Variants in ANK2 observed in about 807,000 individuals in gnomAD.
The protein encoded by ANK2 is ankyrin-2.
In ANK2, 83 loss-of-function variants were observed where a neutral mutation model predicts 360.5. The ratio of observed to expected loss-of-function variants is 0.23; its 90% CI spans 0.19 to 0.28. The LOEUF (loss-of-function observed/expected upper bound fraction) is 0.28. Ranked by LOEUF, ANK2 falls within the 10% of genes least tolerant of loss-of-function variation. The pLI is 1.00. For missense variants in ANK2, 4,201 were observed against 4,795.7 expected (o/e 0.88, Z 3.66); for synonymous variants, 1,740 against 1,759.5 (o/e 0.99, Z 0.28).
chr4:112,936,511 A>G (rs889858592), intron 2 of ANK2, among the ~76,000 whole-genome samples: 2 of 151,928 alleles, frequency 1.3e-5, no homozygotes, highest in African/African-American at 4.8e-5. Context: ...ACACCTGGCT[A>G]ATTTTTGTAT....
chr4:113,088,712 G>A (rs564510964), intron 1 of ANK2, among the ~76,000 whole-genome samples: 12 of 152,182 alleles, frequency 7.9e-5, no homozygotes, highest in African/African-American at 2.6e-4. Context: ...TCTGTAGATG[G>A]GCCTTTATAT....
At position 113,209,590 on chromosome 4, in the gene ANK2, G is replaced by A. The variant is rs571064906; in HGVS notation, c.384+10481G>A. Among the ~76,000 whole-genome samples the A allele has an allele frequency of 3.5e-4, 53 of 152,122 alleles. No individual in the cohort carries two copies. The Middle Eastern group carries it at 0.01, about 29-fold the overall frequency. Reference sequence around the variant, plus strand: ...AGAAAGGAAGGTGTTTATTGGCAGGGTGCCTAACAAGGAGGATCAGGCAGC... The same window carrying A: ...AGAAAGGAAGGTGTTTATTGGCAGGATGCCTAACAAGGAGGATCAGGCAGC... On this transcript the variant is annotated intron_variant, in intron 4 of 45. Coordinates refer to ENST00000357077, the MANE Select transcript of ANK2 (RefSeq NM_001148.6).
At chr4:112,816,266 G>A (rs1172415899), upstream of ANK2, among the ~76,000 whole-genome samples, 2 of 152,220 alleles carry the variant, frequency 1.3e-5, no homozygotes, top group Non-Finnish European at 2.9e-5. Flanking sequence ...AGTAGAAACA[G>A]TAGTAGACTT....
intron 1 of ANK2, among the ~76,000 whole-genome samples, chr4:112,832,735 T>C (rs376726999): frequency 6.6e-6 from 1 of 152,242 alleles, no homozygotes; most frequent in East Asian, 1.9e-4. Flanking sequence ...TCTTCTACTG[T>C]TATGCACTAT....
At chr4:113,058,569 A>G (rs1174827939) in intron 1 of ANK2, among the ~76,000 whole-genome samples, 1 of 152,110 alleles carries the variant, frequency 6.6e-6, no homozygotes, top group South Asian at 2.1e-4. Flanking sequence ...TTTTTGTATA[A>G]TGCTTATCCC....
intron 2 of ANK2, among the ~76,000 whole-genome samples, chr4:112,964,759 C>T (rs747397235): frequency 9.2e-5 from 14 of 151,814 alleles, no homozygotes; most frequent in Non-Finnish European, 1.3e-4. Context: ...TTAGTAGAGA[C>T]GGGGTTTCAC....
intron 1 of ANK2, among the ~76,000 whole-genome samples, chr4:112,832,034 GA>G (rs2059886388): frequency 6.6e-6 from 1 of 152,142 alleles, no homozygotes; most frequent in Non-Finnish European, 1.5e-5. Flanking sequence ...CTTCATTCTT[GA>G]AGTCAGCGAG....
intron 2 of ANK2, among the ~76,000 whole-genome samples, chr4:113,015,694 T>C (rs1356434626): frequency 6.6e-6 from 1 of 152,224 alleles, no homozygotes; most frequent in Non-Finnish European, 1.5e-5. Flanking sequence ...TTTCACAAGG[T>C]AATTTAAAAG....
At chr4:113,179,647 A>G (rs1294131844) in intron 2 of ANK2, among the ~76,000 whole-genome samples, 2 of 152,208 alleles carry the variant, frequency 1.3e-5, no homozygotes, top group Non-Finnish European at 2.9e-5. Flanking sequence ...GTACATTTAG[A>G]AGAGAAAATA....
chr4:113,373,209 A>G (rs2096803035), intron 44 of ANK2, 36 bp downstream of exon 44: 1 of 1,611,432 alleles, frequency 6.2e-7, no homozygotes, highest in Non-Finnish European at 8.5e-7. Context: ...GTTGATTACA[A>G]ACTTCCTGTT....
intron 1 of ANK2, among the ~76,000 whole-genome samples, chr4:113,104,908 C>T (rs1289455294): frequency 6.6e-6 from 1 of 151,834 alleles, no homozygotes; most frequent in African/African-American, 2.4e-5. Flanking sequence ...GGGAGCCCTC[C>T]TGGAAGTATC....
At chr4:113,321,229 T>G (rs904223047) in intron 26 of ANK2, among the ~76,000 whole-genome samples, 1 of 152,228 alleles carries the variant, frequency 6.6e-6, no homozygotes, top group Non-Finnish European at 1.5e-5. Context: ...TTTAAATAAT[T>G]AGCACTTTGC....
Position 112,906,361 on chromosome 4 carries a change from G to A in ANK2, c.21+1847G>A, listed in dbSNP as rs192726212. Reference sequence around the variant, plus strand: ...AGTTTGAGAAGTAAATAAGAGATAAGGGGATAGAGTTAGCAAAAAAGATAG... The same window carrying A: ...AGTTTGAGAAGTAAATAAGAGATAAAGGGATAGAGTTAGCAAAAAAGATAG... On this transcript the variant is annotated intron_variant, in intron 2 of 30. Coordinates refer to the ANK2 transcript ENST00000503271. Among the ~76,000 whole-genome samples, 167 of 152,284 alleles carry A rather than the reference G, an allele frequency of 1.1e-3. 1 individual carries two copies. Among genetic ancestry groups the A allele is most frequent in the African/African-American group, 3.7e-3 (155 of 41,570 alleles).
chr4:113,072,220 T>C (rs755014592), intron 1 of ANK2, among the ~76,000 whole-genome samples: 1 of 152,206 alleles, frequency 6.6e-6, no homozygotes, highest in Non-Finnish European at 1.5e-5. Context: ...ATGATGGAGC[T>C]CTGGCTTCAT....
chr4:113,194,551 G>A (rs1191133281), intron 2 of ANK2, among the ~76,000 whole-genome samples: 26 of 152,140 alleles, frequency 1.7e-4, no homozygotes, highest in Admixed American at 1.7e-3. Context: ...GAACAAAAAA[G>A]ATAACTTTGT....
chr4:113,194,764 A>T (rs1216714155), intron 2 of ANK2, among the ~76,000 whole-genome samples: 1 of 152,188 alleles, frequency 6.6e-6, no homozygotes, highest in Non-Finnish European at 1.5e-5. Context: ...AGAGCTCAAT[A>T]AATATTTGCT....
At chr4:112,732,770 C>A in the ANK2 span, among the ~76,000 whole-genome samples, 2 of 152,146 alleles carry the variant, frequency 1.3e-5, no homozygotes, top group Non-Finnish European at 2.9e-5. Context: ...GAGCATGAAT[C>A]TATGCTTCTA....
At chr4:113,120,421 GC>G (rs2154371196) in intron 1 of ANK2, among the ~76,000 whole-genome samples, 1 of 152,170 alleles carries the variant, frequency 6.6e-6, no homozygotes, top group East Asian at 1.9e-4. Context: ...TGATTTATCA[GC>G]GTTTTCACAA....
chr4:112,931,173 G>A (rs1159638420), intron 2 of ANK2, among the ~76,000 whole-genome samples: 1 of 152,114 alleles, frequency 6.6e-6, no homozygotes, highest in Non-Finnish European at 1.5e-5. Flanking sequence ...CACATGGCTA[G>A]GGAGAAAGGC....
Sources: allele counts gnomAD v4.1 joint callset (sites outside exome capture counted in the v4.1 genomes callset), GRCh38; gene constraint gnomAD v4.1.1; transcripts MANE v1.5; gene names NCBI Gene and HGNC (gene_info 2026-07-23, HGNC 2026-07-21).